Variants in FBXO48 observed in about 807,000 individuals in gnomAD.
The protein encoded by FBXO48 is F-box protein 48.
FBXO48 carries 12 observed loss-of-function variants against 14.3 expected under a neutral mutation model. The observed-to-expected ratio is 0.84, with a 90% CI of 0.54 to 1.36. The LOEUF is 1.36. FBXO48 is among the 40% of genes most tolerant of loss of function. The pLI is 0.00. For synonymous variants in FBXO48, 53 were observed against 61.7 expected (o/e 0.86, Z 0.66); for missense variants, 177 against 179.1 (o/e 0.99, Z 0.07).
intron 3 of FBXO48, 49 bp from the exon 4 acceptor site, chr2:68,464,419 T>A: frequency 1.3e-6 from 2 of 1,567,266 alleles, no homozygotes; most frequent in Non-Finnish European, 1.8e-6. Flanking sequence ...GGTGGTTGGT[T>A]AGTGAATGTG....
chr2:68,467,008 G>T (rs1350109589), intron 1 of FBXO48, among the ~76,000 whole-genome samples: 1 of 152,142 alleles, frequency 6.6e-6, no homozygotes, highest in Non-Finnish European at 1.5e-5. Flanking sequence ...CCCACGTCCC[G>T]TCTGAGCCAC....
chr2:68,459,598 C>T lies in FBXO48; in HGVS notation c.*4611G>A, dbSNP rs369139081. On this transcript the variant is annotated 3_prime_UTR_variant, in exon 4 of 4. Transcript: ENST00000377957. The stretch of plus-strand genomic sequence containing the variant: ...GTATACTGCATTTTGATACAATCTT[C>T]TTCACTAACAATATAGTAAATTATT... The T allele has an allele frequency of 2.3e-4, 35 of 152,110 alleles. No homozygotes were observed. Among genetic ancestry groups the T allele is most frequent in the African/African-American group, 8.2e-4 (34 of 41,454 alleles). 9.4% of individuals were successfully genotyped at this position (152,110 alleles called of 1,614,324 possible).
rs1433302871 is a variant in FBXO48 at position 68,460,897 on chromosome 2, TGTGA to T, written c.*3308_*3311del. 6.6e-6 allele frequency: 1 copy of T among 152,176 alleles called. No homozygotes were observed. Among genetic ancestry groups the T allele is most frequent in the Non-Finnish European group, 1.5e-5 (1 of 68,030 alleles). The allele number at this position is 152,176 out of a possible 1,614,324, so 9.4% of individuals were successfully genotyped here. ...TTTAAGAAGTACTTATGTGTGTCAG[TGTGA>T]GTGTTTATGTGTGTCAAATATATTA... On this transcript the variant is annotated 3_prime_UTR_variant, in exon 4 of 4. Transcript: ENST00000377957.
intron 2 of FBXO48, among the ~76,000 whole-genome samples, chr2:68,465,522 T>TAA (rs973083256): frequency 1.4e-4 from 16 of 111,504 alleles, no homozygotes; most frequent in African/African-American, 5.0e-4. Flanking sequence ...CGCCCCTCTT[T>TAA]AAAAAAAAAA....
chr2:68,464,630 A>C (rs1178473711), intron 3 of FBXO48, among the ~76,000 whole-genome samples: 1 of 152,178 alleles, frequency 6.6e-6, no homozygotes, highest in Non-Finnish European at 1.5e-5. Context: ...TAGAATTTTA[A>C]AAATGCAAAA....
rs1460983339 is a variant in FBXO48, at chr2:68,460,692, G to C, written c.*3517C>G. The C allele has an allele frequency of 7.2e-5, 11 of 152,128 alleles. No individual in the cohort carries two copies. The highest frequency in any genetic ancestry group is 6.5e-4 in the Admixed American group (10 of 15,274). The allele number at this position is 152,128 out of a possible 1,614,324, so 9.4% of individuals were successfully genotyped here. On this transcript the variant is annotated 3_prime_UTR_variant, in exon 4 of 4. Transcript: ENST00000377957. ...GGTAGCTGACATAGGAGTTGTAGAT[G>C]GGATCACCAAGGATGTTAGAGTATA...
At chr2:68,465,677 C>G (rs1053813474) in intron 2 of FBXO48, among the ~76,000 whole-genome samples, 2 of 152,124 alleles carry the variant, frequency 1.3e-5, no homozygotes, top group Admixed American at 6.5e-5. Flanking sequence ...CAGGTATGAG[C>G]CACCATACCC....
chr2:68,465,750 G>T (rs113447533), intron 2 of FBXO48, among the ~76,000 whole-genome samples: 1,889 of 152,170 alleles, frequency 0.012, 32 homozygotes, highest in African/African-American at 0.042. Context: ...AATACTTGTT[G>T]TACATGGGAA....
rs1488748551 is a variant in FBXO48, at chr2:68,461,512, G to A, written c.*2697C>T. The A allele has an allele frequency of 6.8e-6, 1 of 147,184 alleles. No homozygotes were observed. The highest frequency in any genetic ancestry group is 2.0e-4 in the East Asian group (1 of 5,026). The allele number at this position is 147,184 out of a possible 1,614,324, so 9.1% of individuals were successfully genotyped here. A position where few individuals can be genotyped will look rare whatever the true frequency, so the allele number is the denominator to read the frequency against. ...GGGGTTTCACCTTGTTAGCCAGGAT[G>A]GTCTCGATCTCCTGACCTCATGATC... On this transcript the variant is annotated 3_prime_UTR_variant, in exon 4 of 4. Coordinates refer to ENST00000377957, the MANE Select transcript of FBXO48 (RefSeq NM_001024680.3).
rs1349121272 is a variant in FBXO48, at chr2:68,460,305, C to G, written c.*3904G>C. 6.6e-6 allele frequency: 1 copy of G among 151,932 alleles called. No homozygotes were observed. The highest frequency in any genetic ancestry group is 6.6e-5 in the Admixed American group (1 of 15,234). 9.4% of individuals were successfully genotyped at this position (151,932 alleles called of 1,614,324 possible). ...TAAGGACAAGAATTAAGTAATGAGGCAGAGATAAAGATGGGGAAGAGGTGA... is the reference window on the plus strand; with the variant it reads ...TAAGGACAAGAATTAAGTAATGAGGGAGAGATAAAGATGGGGAAGAGGTGA... On this transcript the variant is annotated 3_prime_UTR_variant, in exon 4 of 4. Coordinates refer to ENST00000377957, the MANE Select transcript of FBXO48 (RefSeq NM_001024680.3).
Position 68,463,200 on chromosome 2 carries a change from C to T in FBXO48, c.*1009G>A, listed in dbSNP as rs1475510650. The stretch of plus-strand genomic sequence containing the variant: ...TAGAGAACAGTTTTTAAGAAGAAAA[C>T]CCCACACTAACTAAAGCAGTTTGTA... On this transcript the variant is annotated 3_prime_UTR_variant, in exon 4 of 4. Transcript: ENST00000377957. The T allele has an allele frequency of 6.6e-6, 1 of 152,036 alleles. No homozygotes were observed. Among genetic ancestry groups the T allele is most frequent in the Admixed American group, 6.6e-5 (1 of 15,266 alleles). 9.4% of individuals were successfully genotyped at this position (152,036 alleles called of 1,614,324 possible). A position where few individuals can be genotyped will look rare whatever the true frequency, so the allele number is the denominator to read the frequency against.
At position 68,462,566 on chromosome 2, in the gene FBXO48, C is replaced by T. The variant is rs1295819902; in HGVS notation, c.*1643G>A. ...AGAGACAGGGTTTCACCATGTTGAC[C>T]AGGCTGGTCTTGAACTTCTGACCTG... On this transcript the variant is annotated 3_prime_UTR_variant, in exon 4 of 4. Transcript: ENST00000377957. 6.6e-6 allele frequency: 1 copy of T among 152,272 alleles called. No homozygotes were observed. The highest frequency in any genetic ancestry group is 2.1e-4 in the South Asian group (1 of 4,836). The allele number at this position is 152,272 out of a possible 1,614,324, so 9.4% of individuals were successfully genotyped here. A position where few individuals can be genotyped will look rare whatever the true frequency, so the allele number is the denominator to read the frequency against.
At chr2:68,464,458 G>T in intron 3 of FBXO48, 88 bp from the exon 4 acceptor site, 1 of 1,187,054 alleles carries the variant, frequency 8.4e-7, no homozygotes, top group South Asian at 1.3e-5. Flanking sequence ...GATTGACAGG[G>T]CTGAAAAAAA....
intron 3 of FBXO48, 138 bp from the exon 4 acceptor site, chr2:68,464,508 T>C (rs1675348164): frequency 2.8e-6 from 2 of 719,752 alleles, no homozygotes; most frequent in Non-Finnish European, 4.7e-6. Context: ...AATAAATGTA[T>C]GTGTCTGTGT....
chr2:68,466,608 A>G (rs1158168415), intron 1 of FBXO48, 138 bp from the exon 2 acceptor site: 1 of 152,182 alleles, frequency 6.6e-6, no homozygotes, highest in Non-Finnish European at 1.5e-5. Context: ...AAAGAATCTC[A>G]CATTAGGAAA....
Position 68,464,196 on chromosome 2 carries a change from A to AT in FBXO48, c.*12dup, listed in dbSNP as rs755534404. The AT allele has an allele frequency of 2.1e-5, 33 of 1,609,708 alleles. No individual in the cohort carries two copies. Among genetic ancestry groups the AT allele is most frequent in the Admixed American group, 5.0e-5 (3 of 59,870 alleles). On this transcript the variant is annotated 3_prime_UTR_variant, in exon 4 of 4. Transcript: ENST00000377957. ...AACTTTCAAAGACCTGAGATTTGTG[A>AT]TTTTTTTTCCCCTTATCTTTCCAGT...
rs1482302909 is a variant in FBXO48 at position 68,462,522 on chromosome 2, T to TA, written c.*1686dup. 6.6e-6 allele frequency: 1 copy of TA among 152,288 alleles called. No individual in the cohort carries two copies. The highest frequency in any genetic ancestry group is 1.5e-5 in the Non-Finnish European group (1 of 68,136). 9.4% of individuals were successfully genotyped at this position (152,288 alleles called of 1,614,324 possible). A position where few individuals can be genotyped will look rare whatever the true frequency, so the allele number is the denominator to read the frequency against. ...ACAGGCACCTGCCACCACGCCCGGC[T>TA]AATTTTTGTATATTTAGTAGAGACA... On this transcript the variant is annotated 3_prime_UTR_variant, in exon 4 of 4. Coordinates refer to ENST00000377957, the MANE Select transcript of FBXO48 (RefSeq NM_001024680.3).
rs1202731119 is a variant in FBXO48, at chr2:68,461,387, C to A, written c.*2822G>T. On this transcript the variant is annotated 3_prime_UTR_variant, in exon 4 of 4. Transcript: ENST00000377957. ...TCTCGGCTCACTGCAAGCTCCGCCTCCCGGGTTCACGCCATTCTCCTGCCT... is the reference window on the plus strand; with the variant it reads ...TCTCGGCTCACTGCAAGCTCCGCCTACCGGGTTCACGCCATTCTCCTGCCT... 6.8e-6 allele frequency: 1 copy of A among 147,754 alleles called. No homozygotes were observed. Among genetic ancestry groups the A allele is most frequent in the African/African-American group, 2.6e-5 (1 of 38,526 alleles). The allele number at this position is 147,754 out of a possible 1,614,324, so 9.2% of individuals were successfully genotyped here.
At chr2:68,466,808 T>C (rs1296848512) in intron 1 of FBXO48, among the ~76,000 whole-genome samples, 1 of 152,206 alleles carries the variant, frequency 6.6e-6, no homozygotes, top group Non-Finnish European at 1.5e-5. Context: ...CAGGTTCGCC[T>C]GGATGCCTGG....
Sources: allele counts gnomAD v4.1 joint callset (sites outside exome capture counted in the v4.1 genomes callset), GRCh38; gene constraint gnomAD v4.1.1; transcripts MANE v1.5; gene names NCBI Gene and HGNC (gene_info 2026-07-23, HGNC 2026-07-21).